The following NFIB variants were observed in gnomAD, a reference collection of about 807,000 sequenced individuals.
NFIB encodes nuclear factor 1 B-type.
In NFIB, 11 loss-of-function variants were observed where a neutral mutation model predicts 61.5. The ratio of observed to expected loss-of-function variants is 0.18; its 90% CI spans 0.11 to 0.30. NFIB has a LOEUF of 0.30. NFIB is among the 10% of genes least tolerant of loss of function. The pLI is 1.00. For missense variants in NFIB, 471 were observed against 608.9 expected (o/e 0.77, Z 2.38); for synonymous variants, 260 against 216.5 (o/e 1.20, Z -1.76).
chr9:14,198,874 T>C (rs1262126971), intron 2 of NFIB, among the ~76,000 whole-genome samples: 1 of 152,166 alleles, frequency 6.6e-6, no homozygotes, highest in Admixed American at 6.5e-5. Flanking sequence ...CAATCTCCAC[T>C]TTTCTCCCTC....
At chr9:14,311,643 T>G (rs1254584557) in intron 1 of NFIB, among the ~76,000 whole-genome samples, 1 of 152,212 alleles carries the variant, frequency 6.6e-6, no homozygotes, top group Admixed American at 6.5e-5. Flanking sequence ...TGCTGCAATA[T>G]TATCTTTAAC....
intron 2 of NFIB, among the ~76,000 whole-genome samples, chr9:14,191,488 A>G (rs1008822313): frequency 6.6e-6 from 1 of 152,218 alleles, no homozygotes; most frequent in Admixed American, 6.5e-5. Context: ...ATCCATTTTA[A>G]AAAAGGGAAC....
the NFIB span, among the ~76,000 whole-genome samples, chr9:14,463,073 A>C: frequency 1.3e-5 from 2 of 152,138 alleles, no homozygotes; most frequent in Admixed American, 6.5e-5. Flanking sequence ...ATTTAATAAT[A>C]AACAACTATA....
chr9:14,134,856 C>G (rs1403293500), intron 6 of NFIB, among the ~76,000 whole-genome samples: 1 of 144,008 alleles, frequency 6.9e-6, no homozygotes, highest in Non-Finnish European at 1.5e-5. Flanking sequence ...CAAGATCACG[C>G]CACTGCTCTC....
chr9:14,241,811 C>T (rs2054389993), intron 2 of NFIB, among the ~76,000 whole-genome samples: 1 of 152,244 alleles, frequency 6.6e-6, no homozygotes, highest in Admixed American at 6.5e-5. Context: ...CCCATTCTTC[C>T]TCTCCTTATA....
intron 6 of NFIB, among the ~76,000 whole-genome samples, chr9:14,129,155 C>T (rs1357624473): frequency 6.6e-6 from 1 of 151,926 alleles, no homozygotes; most frequent in Non-Finnish European, 1.5e-5. Context: ...CCTTAAACAA[C>T]AAAAGTAACT....
chr9:14,420,314 T>A, the NFIB span, among the ~76,000 whole-genome samples: 1 of 151,528 alleles, frequency 6.6e-6, no homozygotes, highest in Admixed American at 6.6e-5. Context: ...GGCTTGGTGG[T>A]GTGCGCTTGC....
At chr9:14,400,424 G>A (rs150107019), upstream of NFIB, among the ~76,000 whole-genome samples, 575 of 152,102 alleles carry the variant, frequency 3.8e-3, 27 homozygotes, top group South Asian at 0.059. Flanking sequence ...TGTTTTTCCC[G>A]TTAAATTTTG....
intron 2 of NFIB, among the ~76,000 whole-genome samples, chr9:14,278,626 G>C (rs2058165962): frequency 6.6e-6 from 1 of 152,198 alleles, no homozygotes; most frequent in African/African-American, 2.4e-5. Context: ...AACAATGAAT[G>C]TGGGCGGGAA....
At chr9:14,445,216 C>G in the NFIB span, among the ~76,000 whole-genome samples, 1 of 152,040 alleles carries the variant, frequency 6.6e-6, no homozygotes. Context: ...TGATAATTAA[C>G]CTGTATATTT....
chr9:14,198,081 G>A (rs985127825), intron 2 of NFIB, among the ~76,000 whole-genome samples: 1 of 152,156 alleles, frequency 6.6e-6, no homozygotes, highest in Admixed American at 6.5e-5. Flanking sequence ...GAATTAGTAG[G>A]TGGCTCAGGT....
In NFIB at chr9:14,298,561, T is replaced by G. The variant is rs561676664; in HGVS notation, c.562+8428A>C. Among the ~76,000 whole-genome samples, 3 of 152,186 alleles carry G rather than the reference T, an allele frequency of 2.0e-5. No individual in the cohort carries two copies. In the East Asian group the frequency reaches 5.8e-4, roughly 30 times the overall value. On this transcript the variant is annotated intron_variant, in intron 2 of 10. Coordinates refer to ENST00000380953, the MANE Select transcript of NFIB (RefSeq NM_001190737.2). Reference sequence around the variant, plus strand: ...TCTTGTAGCAAGGAGGGCTGCAAATTTGTCCCCATCACTGTCAGCAAACAA... The same window carrying G: ...TCTTGTAGCAAGGAGGGCTGCAAATGTGTCCCCATCACTGTCAGCAAACAA...
chr9:14,333,060 G>A (rs990921787), intron 1 of NFIB, among the ~76,000 whole-genome samples: 11 of 152,184 alleles, frequency 7.2e-5, no homozygotes, highest in African/African-American at 2.2e-4. Context: ...TCCAAGGAAC[G>A]CTATTGTAGA....
At chr9:14,442,030 C>T in the NFIB span, among the ~76,000 whole-genome samples, 1 of 152,156 alleles carries the variant, frequency 6.6e-6, no homozygotes, top group Admixed American at 6.5e-5. Context: ...GTCATTTCAT[C>T]CTCAGGAGAA....
intron 10 of NFIB, among the ~76,000 whole-genome samples, chr9:14,110,338 A>C (rs1227024597): frequency 6.6e-6 from 1 of 152,118 alleles, no homozygotes; most frequent in Non-Finnish European, 1.5e-5. Context: ...TTTATAAAGC[A>C]GCCACCATGA....
At chr9:14,492,254 T>G in the NFIB span, among the ~76,000 whole-genome samples, 1 of 151,708 alleles carries the variant, frequency 6.6e-6, no homozygotes. Context: ...TCCCAGCTAC[T>G]CGGGAGGCTG....
At chr9:14,099,584 G>T (rs2035406786) in intron 10 of NFIB, among the ~76,000 whole-genome samples, 1 of 152,122 alleles carries the variant, frequency 6.6e-6, no homozygotes, top group African/African-American at 2.4e-5. Context: ...ACAAAGCAAA[G>T]CAACCTATGT....
chr9:14,288,343 A>AT (rs2058851828), intron 2 of NFIB, among the ~76,000 whole-genome samples: 2 of 139,816 alleles, frequency 1.4e-5, no homozygotes, highest in Middle Eastern at 7.6e-3. Context: ...CGATTCAATA[A>AT]TAAAAAAGAG....
At chr9:14,249,604 T>C (rs1166730850) in intron 2 of NFIB, among the ~76,000 whole-genome samples, 1 of 152,060 alleles carries the variant, frequency 6.6e-6, no homozygotes, top group African/African-American at 2.4e-5. Context: ...GATTATTGCA[T>C]ATCATTGTGC....
Sources: allele counts gnomAD v4.1 joint callset (sites outside exome capture counted in the v4.1 genomes callset), GRCh38; gene constraint gnomAD v4.1.1; transcripts MANE v1.5; gene names NCBI Gene and HGNC (gene_info 2026-07-23, HGNC 2026-07-21).